Variants in UBE4B observed in about 807,000 individuals in gnomAD.
UBE4B encodes the protein ubiquitination factor E4B.
In UBE4B, 27 loss-of-function variants were observed where a neutral mutation model predicts 148.1. The observed-to-expected ratio is 0.18, with a 90% CI of 0.13 to 0.25. The LOEUF is 0.25. Ranked by LOEUF, UBE4B falls within the 10% of genes least tolerant of loss-of-function variation. UBE4B has a pLI of 1.00. For missense variants in UBE4B, 1,170 were observed against 1,662.4 expected (o/e 0.70, Z 5.15); for synonymous variants, 596 against 619.3 (o/e 0.96, Z 0.56).
intron 21 of UBE4B, among the ~76,000 whole-genome samples, chr1:10,157,055 G>A (rs185291882): frequency 3.9e-5 from 6 of 151,932 alleles, no homozygotes; most frequent in East Asian, 3.9e-4. Context: ...TTGCTTTGTC[G>A]CCCAGGCTGG....
rs191078815 is a variant in UBE4B at position 10,169,043 on chromosome 1, G to A, written c.3333+773G>A. Among the ~76,000 whole-genome samples the A allele has an allele frequency of 9.2e-5, 14 of 152,212 alleles. No individual in the cohort carries two copies. In the East Asian group the frequency reaches 1.5e-3, roughly 17 times the overall value. On this transcript the variant is annotated intron_variant, in intron 24 of 27. Transcript: ENST00000343090. ...AGGAAGCCAAAGGTTAATGGGAGCC[G>A]GCCATCACTAGGGTTTATGGTGGAT...
chr1:10,106,547 C>A lies in UBE4B; in HGVS notation c.1160C>A (p.Thr387Lys). The A allele has an allele frequency of 6.3e-7, 1 of 1,591,360 alleles. No individual in the cohort carries two copies. The highest frequency in any genetic ancestry group is 8.5e-7 in the Non-Finnish European group (1 of 1,172,742). ...CTACCACCCGCCTCACCCAGTGCCA[C>A]GAGCAGACGCCCCTCCTCCCTGAGG... is the stretch of plus-strand genomic sequence containing the variant. ...PPLPPASPSA[T>K]SRRPSSLRIS... Residue 387 changes from threonine to lysine, a missense_variant, in exon 7 of 28, where the codon ACG (threonine) becomes AAG (lysine). Coordinates refer to ENST00000343090, the MANE Select transcript of UBE4B (RefSeq NM_001105562.3). This position sits in a 1 kb window ranked among gnomAD's most constrained non-coding sequence, Gnocchi z 4.2.
intron 23 of UBE4B, chr1:10,166,441 G>C (rs528844290): frequency 6.6e-6 from 1 of 152,280 alleles, no homozygotes; most frequent in East Asian, 1.9e-4. Flanking sequence ...GAGGCAGAGA[G>C]GCAGACCCGA....
At chr1:10,090,793 T>TTGTGTGTGTGTGTGTGTGTG (rs57486350) in intron 2 of UBE4B, among the ~76,000 whole-genome samples, 3 of 141,404 alleles carry the variant, frequency 2.1e-5, no homozygotes, top group African/African-American at 7.8e-5. Flanking sequence ...GCCTATGCAT[T>TTGTGTGTGTGTGTGTGTGTG]TGTGTGTGTG....
intron 2 of UBE4B, among the ~76,000 whole-genome samples, chr1:10,094,193 C>T (rs1044139871): frequency 1.3e-5 from 2 of 152,108 alleles, no homozygotes; most frequent in Admixed American, 6.6e-5. Context: ...AATCATCTGT[C>T]CCTGTACTAG....
chr1:10,094,232 C>T (rs1570874237), intron 2 of UBE4B, among the ~76,000 whole-genome samples: 1 of 152,268 alleles, frequency 6.6e-6, no homozygotes, highest in East Asian at 1.9e-4. Flanking sequence ...ACTGTCAGCT[C>T]TGTGAGGGCA....
At position 10,161,267 on chromosome 1, in the gene UBE4B, A is replaced by G; in HGVS notation, c.3179A>G (p.Gln1060Arg). The G allele has an allele frequency of 6.2e-7, 1 of 1,614,140 alleles. No individual in the cohort carries two copies. The highest frequency in any genetic ancestry group is 8.5e-7 in the Non-Finnish European group (1 of 1,179,990). Reference protein sequence around the residue: ...EVQEEMKNKEQWDQLPRDQQQ... With the variant: ...EVQEEMKNKERWDQLPRDQQQ... ...CAGGAAGAGATGAAGAACAAAGAAC[A>G]GTGGGACCAGTTGCCCCGGGTGAGG... Residue 1060 changes from glutamine to arginine, a missense_variant, in exon 23 of 28, where the codon CAG becomes CGG. Gln to Arg is a conservative substitution (Grantham distance 43). Around this residue, in one of 6 missense-constraint regions of UBE4B, gnomAD observed 348 missense variants for 627.2 expected, o/e 0.55. Transcript: ENST00000343090. This position sits in a 1 kb window ranked among gnomAD's most constrained non-coding sequence, Gnocchi z 4.1.
chr1:10,055,797 G>A (rs962161159), intron 1 of UBE4B, among the ~76,000 whole-genome samples: 2 of 152,134 alleles, frequency 1.3e-5, no homozygotes, highest in Non-Finnish European at 2.9e-5. Flanking sequence ...GCACGTGCCC[G>A]TAGTCCCAGC....
intron 23 of UBE4B, among the ~76,000 whole-genome samples, 192 bp from the exon 24 acceptor site, chr1:10,167,944 C>T (rs1030025440): frequency 5.3e-5 from 8 of 152,098 alleles, no homozygotes; most frequent in African/African-American, 1.9e-4. Context: ...ACCAACATCA[C>T]CTGGCTGGAA....
At position 10,161,108 on chromosome 1, in the gene UBE4B, T is replaced by C; in HGVS notation, c.3054-34T>C. 1 of 1,606,642 alleles carries C rather than the reference T, an allele frequency of 6.2e-7. No homozygotes were observed. The highest frequency in any genetic ancestry group is 2.2e-5 in the East Asian group (1 of 44,672). ...GCTGTGGCATTTTGCTTCAGGGAGATGTATGACCATGTACAATATAATTGC... is the reference window on the plus strand; with the variant it reads ...GCTGTGGCATTTTGCTTCAGGGAGACGTATGACCATGTACAATATAATTGC... On this transcript the variant is annotated intron_variant, in intron 22 of 27. Transcript: ENST00000343090. The surrounding 1 kb of genome is among the most constrained non-coding windows in gnomAD (Gnocchi z 4.1).
intron 17 of UBE4B, 31 bp from the exon 18 acceptor site, chr1:10,144,909 C>G (rs1333569170): frequency 6.4e-7 from 1 of 1,554,836 alleles, no homozygotes. Context: ...CGGCTGTTTT[C>G]TTTCATTTGA....
At chr1:10,167,425 G>T (rs966468041) in intron 23 of UBE4B, among the ~76,000 whole-genome samples, 18 of 144,808 alleles carry the variant, frequency 1.2e-4, no homozygotes, top group African/African-American at 4.4e-4. Context: ...GGCAACAAGC[G>T]AAACTCCGTC....
chr1:10,045,626 C>T (rs1643896662), intron 1 of UBE4B, among the ~76,000 whole-genome samples: 2 of 152,156 alleles, frequency 1.3e-5, no homozygotes. Flanking sequence ...GAAATCTCTG[C>T]CCTCCTGGGC....
At chr1:10,084,536 A>G (rs934680527) in intron 2 of UBE4B, among the ~76,000 whole-genome samples, 5 of 151,790 alleles carry the variant, frequency 3.3e-5, no homozygotes, top group African/African-American at 1.2e-4. Context: ...TCCAAACTAG[A>G]TTGAAAGCTC....
At chr1:10,163,352 T>C (rs1646197094) in intron 23 of UBE4B, 1 of 152,136 alleles carries the variant, frequency 6.6e-6, no homozygotes, top group Non-Finnish European at 1.5e-5. Flanking sequence ...GACATGCAAA[T>C]TCATAAAGCA....
chr1:10,052,676 A>T (rs764434075), intron 1 of UBE4B, among the ~76,000 whole-genome samples: 2 of 152,094 alleles, frequency 1.3e-5, no homozygotes, highest in Non-Finnish European at 2.9e-5. Flanking sequence ...CTGCATATTC[A>T]TTTGTCATGG....
At chr1:10,175,909 C>T (rs7355148) in intron 25 of UBE4B, among the ~76,000 whole-genome samples, 4,120 of 152,184 alleles carry the variant, frequency 0.027, 172 homozygotes, top group African/African-American at 0.093. Flanking sequence ...ACAGTCACAG[C>T]GTTGCACAGC....
Position 10,105,706 on chromosome 1 carries a change from C to G in UBE4B, c.771C>G (p.Phe257Leu), listed in dbSNP as rs939099104. 1.2e-6 allele frequency: 2 copies of G among 1,614,052 alleles called. No homozygotes were observed. The highest frequency in any genetic ancestry group is 2.7e-5 in the African/African-American group (2 of 74,946). The change falls in exon 6 of 28, where the codon TTC becomes TTG. Residue 257 changes from phenylalanine (F) to leucine (L), a missense_variant. Coordinates refer to ENST00000343090, the MANE Select transcript of UBE4B (RefSeq NM_001105562.3). ...TGSNPGTSPMFCSVASFGASS... is the reference protein window; with the variant it reads ...TGSNPGTSPMLCSVASFGASS... ...CCAATCCAGGAACAAGCCCCATGTT[C>G]TGCAGCGTGGCTTCCTTTGGTGCCA... is the stretch of plus-strand genomic sequence containing the variant.
intron 5 of UBE4B, among the ~76,000 whole-genome samples, chr1:10,103,891 G>T (rs921787581): frequency 4.6e-5 from 7 of 152,140 alleles, no homozygotes; most frequent in African/African-American, 1.7e-4. Flanking sequence ...CTCCCAAAGT[G>T]CTGGGATTAC....
Sources: gnomAD v4.1 joint callset for allele counts (sites outside exome capture counted in the v4.1 genomes callset) on GRCh38, gnomAD v4.1.1 for gene constraint, gnomAD v4.1.1 regional missense constraint, Gnocchi (gnomAD v3.1) non-coding constraint, MANE v1.5 for transcripts, NCBI Gene and HGNC (gene_info 2026-07-23, HGNC 2026-07-21) for gene names.